CELF2: variants seen among roughly 807,000 people sequenced by gnomAD.
The protein encoded by CELF2 is CUGBP Elav-like family member 2, also known as CUG triplet repeat RNA-binding protein 2.
In CELF2, 8 loss-of-function variants were observed where a neutral mutation model predicts 62.6. That is an observed-to-expected ratio of 0.13 (90% confidence interval 0.07 to 0.23). CELF2 has a LOEUF of 0.23. Ranked by LOEUF, CELF2 falls within the 10% of genes least tolerant of loss-of-function variation. The probability of loss-of-function intolerance (pLI) is 1.00; values close to 1 mark genes in which losing one functional copy is unlikely to be tolerated. For missense variants in CELF2, 333 were observed against 671.0 expected, an observed-to-expected ratio of 0.50 and a Z score of 5.56; for synonymous variants, 258 against 250.0, an observed-to-expected ratio of 1.03 and a Z score of -0.30.
At chr10:10,563,738 G>T in the CELF2 span, among the ~76,000 whole-genome samples, 3 of 151,844 alleles carry the variant, frequency 2.0e-5, no homozygotes, top group African/African-American at 7.3e-5. Flanking sequence ...GAGGCTGTGT[G>T]TTCTGTGAAG....
At position 11,220,961 on chromosome 10, in the gene CELF2, G is replaced by A. The variant is rs969945197; in HGVS notation, c.354+3454G>A. The stretch of plus-strand genomic sequence containing the variant: ...CTCTAGCTAATCTAGCTGGAAGGGT[G>A]GACAGTAGACAGGTAGTTAATACTT... On this transcript the variant is annotated intron_variant, in intron 3 of 12. Transcript: ENST00000633077. The surrounding 1 kb of genome is among the most constrained non-coding windows in gnomAD (Gnocchi z 4.4). Among the ~76,000 whole-genome samples, 6 of 152,222 alleles carry A rather than the reference G, an allele frequency of 3.9e-5. No homozygotes were observed. The highest frequency in any genetic ancestry group is 9.7e-5 in the African/African-American group (4 of 41,448).
the CELF2 span, among the ~76,000 whole-genome samples, chr10:10,488,178 T>C: frequency 6.6e-6 from 1 of 152,184 alleles, no homozygotes; most frequent in Non-Finnish European, 1.5e-5. Context: ...AGGATATCCT[T>C]ATTATATTGC....
At chr10:10,713,447 C>T in the CELF2 span, among the ~76,000 whole-genome samples, 1 of 152,172 alleles carries the variant, frequency 6.6e-6, no homozygotes, top group East Asian at 1.9e-4. Flanking sequence ...AATGGAAGAA[C>T]CCATCACAAG....
chr10:10,786,659 G>T, the CELF2 span: 1 of 152,160 alleles, frequency 6.6e-6, no homozygotes, highest in Non-Finnish European at 1.5e-5. Flanking sequence ...TTTGCAGGAG[G>T]TCACAGGGAA....
intron 1 of CELF2, among the ~76,000 whole-genome samples, chr10:10,889,115 C>T (rs908354657): frequency 2.6e-5 from 4 of 152,174 alleles, no homozygotes; most frequent in African/African-American, 4.8e-5. Context: ...ATGAAGAAAG[C>T]AGAAAGAGGT....
intron 2 of CELF2, among the ~76,000 whole-genome samples, chr10:10,950,270 AGTGT>A (rs1053416808): frequency 6.6e-6 from 1 of 151,910 alleles, no homozygotes; most frequent in African/African-American, 2.4e-5. Flanking sequence ...AACCCAGTGC[AGTGT>A]GTGTGTCTGA....
At chr10:10,566,554 G>T in the CELF2 span, among the ~76,000 whole-genome samples, 1 of 148,932 alleles carries the variant, frequency 6.7e-6, no homozygotes, top group African/African-American at 2.5e-5. Flanking sequence ...ATCTCCCAAT[G>T]CTATCCCTCC....
At chr10:11,161,777 G>A (rs563744511) in intron 1 of CELF2, among the ~76,000 whole-genome samples, 4 of 152,296 alleles carry the variant, frequency 2.6e-5, no homozygotes, top group African/African-American at 9.6e-5. Flanking sequence ...TGAGGTTGTT[G>A]TAAATAGGAG....
chr10:11,103,676 T>A (rs150485367), intron 1 of CELF2, among the ~76,000 whole-genome samples: 47 of 152,232 alleles, frequency 3.1e-4, no homozygotes, highest in African/African-American at 1.0e-3. Flanking sequence ...GGCTCATGTT[T>A]GATTTGTTGT....
intron 7 of CELF2, among the ~76,000 whole-genome samples, chr10:11,273,269 C>T (rs999752259): frequency 6.6e-6 from 1 of 152,060 alleles, no homozygotes; most frequent in Non-Finnish European, 1.5e-5. Context: ...GACCGCCCAG[C>T]AGGAGAGGAG....
intron 1 of CELF2, among the ~76,000 whole-genome samples, chr10:10,884,143 A>G (rs2061608579): frequency 6.6e-6 from 1 of 152,228 alleles, no homozygotes; most frequent in Admixed American, 6.5e-5. Flanking sequence ...AGAAAAAAGA[A>G]TAACACCACG....
the CELF2 span, among the ~76,000 whole-genome samples, chr10:10,505,925 A>T: frequency 6.6e-6 from 1 of 152,140 alleles, no homozygotes; most frequent in East Asian, 1.9e-4. Context: ...TTCAGATCTC[A>T]AGTTCCCTAG....
intron 1 of CELF2, among the ~76,000 whole-genome samples, chr10:11,164,081 G>A (rs1456893846): frequency 6.6e-6 from 1 of 152,184 alleles, no homozygotes; most frequent in Non-Finnish European, 1.5e-5. Flanking sequence ...TGCTTTTTGG[G>A]GTGGGTCTGC....
the CELF2 span, among the ~76,000 whole-genome samples, chr10:10,675,422 AT>A: frequency 6.6e-6 from 1 of 150,718 alleles, no homozygotes; most frequent in African/African-American, 2.4e-5. Context: ...TTTATCTTTG[AT>A]TTTCTTTTGT....
intron 1 of CELF2, among the ~76,000 whole-genome samples, chr10:10,907,489 A>T (rs2063442698): frequency 6.6e-6 from 1 of 152,212 alleles, no homozygotes; most frequent in Non-Finnish European, 1.5e-5. Flanking sequence ...CTGTAATTGC[A>T]CTCAATTGCA....
chr10:11,082,773 C>T (rs2074364293), intron 1 of CELF2, among the ~76,000 whole-genome samples: 2 of 152,142 alleles, frequency 1.3e-5, no homozygotes, highest in South Asian at 4.1e-4. Flanking sequence ...TGCTTTATGG[C>T]CTGCTTGCTT....
At chr10:11,048,419 C>T (rs566192891) in intron 1 of CELF2, among the ~76,000 whole-genome samples, 16 of 152,302 alleles carry the variant, frequency 1.1e-4, no homozygotes, top group Admixed American at 2.6e-4. Flanking sequence ...ACTTGATAAT[C>T]AGATGGTTGC....
the CELF2 span, among the ~76,000 whole-genome samples, chr10:10,749,319 A>T: frequency 6.6e-6 from 1 of 152,108 alleles, no homozygotes; most frequent in Admixed American, 6.5e-5. Context: ...ATCACCTTCT[A>T]CTCCCTCTAT....
At chr10:10,734,939 T>C in the CELF2 span, among the ~76,000 whole-genome samples, 1 of 152,156 alleles carries the variant, frequency 6.6e-6, no homozygotes, top group African/African-American at 2.4e-5. Flanking sequence ...GGGGACTGTG[T>C]GGATGAAGAG....
Sources: gnomAD v4.1 joint callset for allele counts (sites outside exome capture counted in the v4.1 genomes callset) on GRCh38, gnomAD v4.1.1 for gene constraint, Gnocchi (gnomAD v3.1) non-coding constraint, MANE v1.5 for transcripts, NCBI Gene and HGNC (gene_info 2026-07-23, HGNC 2026-07-21) for gene names.